The following COL15A1 variants were observed in gnomAD, a reference collection of about 807,000 sequenced individuals.
COL15A1 encodes collagen alpha-1(XV) chain.
In COL15A1, 111 loss-of-function variants were observed where a neutral mutation model predicts 165.9. The ratio of observed to expected loss-of-function variants is 0.67; its 90% CI spans 0.57 to 0.78. The LOEUF is 0.78. Among genes scored for constraint, COL15A1 ranks in the 30% least tolerant of loss-of-function variants. The pLI, the probability that COL15A1 is intolerant of heterozygous loss-of-function variation, is 0.00. For missense variants in COL15A1, 1,745 were observed against 1,789.7 expected (o/e 0.98, Z 0.45); for synonymous variants, 659 against 674.8 (o/e 0.98, Z 0.36).
intron 35 of COL15A1, among the ~76,000 whole-genome samples, chr9:99,059,593 T>A (rs538936853): frequency 6.6e-6 from 1 of 152,384 alleles, no homozygotes; most frequent in South Asian, 2.1e-4. Flanking sequence ...AATATTCAAC[T>A]TAAGCTGGCT....
chr9:98,967,405 G>A (rs2118825550), intron 2 of COL15A1, among the ~76,000 whole-genome samples: 1 of 152,282 alleles, frequency 6.6e-6, no homozygotes, highest in African/African-American at 2.4e-5. Flanking sequence ...GACCCAGGGG[G>A]CTGGAGTGCC....
chr9:99,027,444 A>G (rs1218998817), intron 16 of COL15A1, among the ~76,000 whole-genome samples: 1 of 152,224 alleles, frequency 6.6e-6, no homozygotes, highest in Admixed American at 6.5e-5. Flanking sequence ...CAAGCTTTAT[A>G]GAACTCATTT....
At chr9:99,030,227 T>C (rs1412676029) in intron 16 of COL15A1, among the ~76,000 whole-genome samples, 4 of 152,236 alleles carry the variant, frequency 2.6e-5, no homozygotes, top group African/African-American at 9.6e-5. Context: ...TCCTTTGCAA[T>C]GTTTCCATTA....
At chr9:98,980,936 A>G (rs1838228449) in intron 2 of COL15A1, among the ~76,000 whole-genome samples, 1 of 152,144 alleles carries the variant, frequency 6.6e-6, no homozygotes, top group African/African-American at 2.4e-5. Context: ...TGCTTCAGAG[A>G]ACAATTTTGC....
At chr9:98,950,931 G>A (rs375657062) in intron 2 of COL15A1, among the ~76,000 whole-genome samples, 114 of 152,172 alleles carry the variant, frequency 7.5e-4, no homozygotes, top group African/African-American at 2.6e-3. Context: ...GACAAATGAC[G>A]TTGCGCATTT....
intron 2 of COL15A1, among the ~76,000 whole-genome samples, chr9:98,983,296 T>C (rs1481585406): frequency 6.6e-6 from 1 of 152,176 alleles, no homozygotes; most frequent in Non-Finnish European, 1.5e-5. Context: ...CTGGACCACC[T>C]GGAGTCTTGA....
At chr9:99,022,047 G>C (rs759629242) in intron 12 of COL15A1, 44 bp from the exon 13 acceptor site, 3 of 1,610,740 alleles carry the variant, frequency 1.9e-6, no homozygotes, top group Non-Finnish European at 2.5e-6. Context: ...GGAGATGGTA[G>C]GAACAGAGTT....
intron 9 of COL15A1, 65 bp downstream of exon 9, chr9:99,005,115 T>C: frequency 6.8e-7 from 1 of 1,474,600 alleles, no homozygotes; most frequent in Admixed American, 2.3e-5. Context: ...CTTCTCAGAG[T>C]GTGGGGCTCC....
chr9:99,045,406 A>G (rs1816165599), intron 26 of COL15A1, among the ~76,000 whole-genome samples: 1 of 152,186 alleles, frequency 6.6e-6, no homozygotes, highest in Admixed American at 6.5e-5. Flanking sequence ...CTGTTTTCCC[A>G]TCTGCACATT....
At chr9:98,950,811 G>A (rs1837675130) in intron 2 of COL15A1, among the ~76,000 whole-genome samples, 1 of 151,888 alleles carries the variant, frequency 6.6e-6, no homozygotes, top group South Asian at 2.1e-4. Flanking sequence ...CACCATATTG[G>A]TCATGTTGGT....
intron 2 of COL15A1, among the ~76,000 whole-genome samples, chr9:98,959,928 T>C (rs1837840056): frequency 6.6e-6 from 1 of 152,224 alleles, no homozygotes; most frequent in Non-Finnish European, 1.5e-5. Flanking sequence ...GTACCCTGGC[T>C]CTACCACCCT....
Position 98,986,111 on chromosome 9 carries a change from C to G in COL15A1, c.647C>G (p.Thr216Ser). The change falls in exon 3 of 42, where the codon ACT becomes AGT. Residue 216 changes from threonine to serine, a missense_variant and splice_region_variant. By Grantham distance (58) the Thr-to-Ser change is moderately conservative. Transcript: ENST00000375001. ...NAGATGLERF[T>S]GSLQQLTVHP... ...GGAGCTACAGGGCTCGAGAGATTCA[C>G]TGTGAGTTAAAGTCCCACTCCAGGT... The G allele has an allele frequency of 3.7e-6, 6 of 1,610,888 alleles. No homozygotes were observed. Among genetic ancestry groups the G allele is most frequent in the Non-Finnish European group, 5.1e-6 (6 of 1,178,034 alleles).
At chr9:99,048,297 C>T (rs1053771087) in intron 28 of COL15A1, among the ~76,000 whole-genome samples, 1 of 152,078 alleles carries the variant, frequency 6.6e-6, no homozygotes, top group African/African-American at 2.4e-5. Context: ...GGGCCTCTAA[C>T]TCTAGGGTAA....
intron 2 of COL15A1, among the ~76,000 whole-genome samples, chr9:98,949,113 T>G (rs1036971270): frequency 6.6e-6 from 1 of 152,228 alleles, no homozygotes; most frequent in African/African-American, 2.4e-5. Context: ...TCTGAAGTTC[T>G]GTTTTACTCG....
chr9:98,955,907 A>T (rs1588489608), intron 2 of COL15A1, among the ~76,000 whole-genome samples: 1 of 152,208 alleles, frequency 6.6e-6, no homozygotes, highest in Non-Finnish European at 1.5e-5. Flanking sequence ...AAGGAAAGTG[A>T]CTAGCTCATG....
At chr9:99,041,787 T>C (rs1387675736) in intron 23 of COL15A1, among the ~76,000 whole-genome samples, 1 of 152,124 alleles carries the variant, frequency 6.6e-6, no homozygotes, top group Non-Finnish European at 1.5e-5. Context: ...GCTGGATCAG[T>C]AGTGCCCAGT....
At chr9:99,012,312 C>T (rs1838859045) in intron 9 of COL15A1, among the ~76,000 whole-genome samples, 1 of 152,184 alleles carries the variant, frequency 6.6e-6, no homozygotes, top group African/African-American at 2.4e-5. Flanking sequence ...TAAACACACA[C>T]ATACATACTC....
At chr9:99,067,137 A>C in intron 40 of COL15A1, 70 bp downstream of exon 40, 1 of 1,293,572 alleles carries the variant, frequency 7.7e-7, no homozygotes, top group African/African-American at 1.5e-5. Flanking sequence ...GGCAGTTTTC[A>C]TTCCTGACAT....
intron 9 of COL15A1, among the ~76,000 whole-genome samples, chr9:99,013,493 C>T (rs975446595): frequency 6.6e-6 from 1 of 151,910 alleles, no homozygotes; most frequent in African/African-American, 2.4e-5. Context: ...GGAGAAGACA[C>T]CCTTTAGAAT....
Sources: gnomAD v4.1 joint callset for allele counts (sites outside exome capture counted in the v4.1 genomes callset) on GRCh38, gnomAD v4.1.1 for gene constraint, MANE v1.5 for transcripts, NCBI Gene and HGNC (gene_info 2026-07-23, HGNC 2026-07-21) for gene names.